CSNK1A1: variants seen among roughly 807,000 people sequenced by gnomAD.
CSNK1A1 encodes casein kinase I isoform alpha.
Under a neutral mutation model 46.1 loss-of-function variants are expected in CSNK1A1, and 7 were observed. That is an observed-to-expected ratio of 0.15 (90% CI 0.09 to 0.29). The LOEUF (loss-of-function observed/expected upper bound fraction) is 0.29, where lower values mean the gene tolerates loss of function less well. Ranked by LOEUF, CSNK1A1 falls within the 10% of genes least tolerant of loss-of-function variation. The pLI is 1.00. For missense variants in CSNK1A1, 96 were observed against 417.1 expected, an observed-to-expected ratio of 0.23 and a Z score of 6.71; for synonymous variants, 137 against 141.5, an observed-to-expected ratio of 0.97 and a Z score of 0.23.
intron 2 of CSNK1A1, among the ~76,000 whole-genome samples, chr5:149,535,297 G>C (rs1312880417): frequency 6.6e-6 from 1 of 152,100 alleles, no homozygotes; most frequent in East Asian, 1.9e-4. Context: ...TGCTGATCTT[G>C]CTTAGATCTA....
At chr5:149,508,723 C>T (rs1761115719) in intron 7 of CSNK1A1, among the ~76,000 whole-genome samples, 1 of 152,120 alleles carries the variant, frequency 6.6e-6, no homozygotes, top group Non-Finnish European at 1.5e-5. Context: ...TTGTTGATAA[C>T]CTTTCTTTTC....
intron 2 of CSNK1A1, chr5:149,529,492 A>G: frequency 4.1e-6 from 1 of 241,832 alleles, no homozygotes; most frequent in Non-Finnish European, 8.5e-6. Context: ...ATTCACACAA[A>G]AGATCAATGA....
intron 3 of CSNK1A1, among the ~76,000 whole-genome samples, chr5:149,521,123 T>A (rs972523574): frequency 6.6e-6 from 1 of 152,130 alleles, no homozygotes; most frequent in African/African-American, 2.4e-5. Flanking sequence ...TAGACATGTA[T>A]CTTTACCCAC....
Position 149,528,698 on chromosome 5 carries a change from G to C in CSNK1A1, c.231-3527C>G, listed in dbSNP as rs900971463. 3.9e-5 allele frequency among the ~76,000 whole-genome samples: 6 copies of C among 152,200 alleles called. No homozygotes were observed. The East Asian group carries it at 9.6e-4, about 24-fold the overall frequency. On this transcript the variant is annotated intron_variant, in intron 2 of 9. Coordinates refer to ENST00000377843, the MANE Select transcript of CSNK1A1 (RefSeq NM_001892.6). The stretch of plus-strand genomic sequence containing the variant: ...TCCCACATTGGTCTCCTATTTCCTA[G>C]AATTCCCAAAGCCATTAACTATTGC...
Position 149,527,656 on chromosome 5 carries a change from T to C in CSNK1A1, c.231-2485A>G, listed in dbSNP as rs560473082. Among the ~76,000 whole-genome samples the C allele has an allele frequency of 3.3e-5, 5 of 152,110 alleles. No individual in the cohort carries two copies. In the South Asian group the frequency reaches 1.0e-3, roughly 32 times the overall value. On this transcript the variant is annotated intron_variant, in intron 2 of 9. Coordinates refer to ENST00000377843, the MANE Select transcript of CSNK1A1 (RefSeq NM_001892.6). ...TCTCCTTTCCCTTTTCCTCATTTTA[T>C]TTTCTTTTGTTATTTTCCCTCTTCC...
chr5:149,511,172 T>C (rs1164861279), intron 6 of CSNK1A1, among the ~76,000 whole-genome samples: 2 of 151,982 alleles, frequency 1.3e-5, no homozygotes, highest in African/African-American at 2.4e-5. Context: ...CAAAAAATAA[T>C]TTAAAAATTA....
At chr5:149,502,046 T>C (rs1561750906) in intron 9 of CSNK1A1, 2 of 983,086 alleles carry the variant, frequency 2.0e-6, no homozygotes, top group Non-Finnish European at 1.2e-6. Context: ...ATCTAAAGAA[T>C]ATAAGGAAGG....
At chr5:149,511,393 T>G (rs1263853358) in intron 6 of CSNK1A1, among the ~76,000 whole-genome samples, 2 of 128,084 alleles carry the variant, frequency 1.6e-5, no homozygotes, top group African/African-American at 5.9e-5. Context: ...AACAGTAAAC[T>G]CCTAGCTAAT....
intron 4 of CSNK1A1, among the ~76,000 whole-genome samples, chr5:149,514,033 A>T (rs1422983998): frequency 5.3e-5 from 8 of 152,294 alleles, no homozygotes; most frequent in Middle Eastern, 3.4e-3. Flanking sequence ...AAGACTTTTT[A>T]TTAATAAAAA....
intron 2 of CSNK1A1, chr5:149,549,440 C>G (rs774168580): frequency 4.3e-6 from 3 of 702,124 alleles, no homozygotes; most frequent in South Asian, 3.0e-5. Context: ...TATGCCATCT[C>G]CTTCCTCGAA....
rs201469252 is a variant in CSNK1A1 at position 149,496,880 on chromosome 5, A to C, written c.1007-20T>G. On this transcript the variant is annotated intron_variant, in intron 9 of 9. Coordinates refer to ENST00000377843, the MANE Select transcript of CSNK1A1 (RefSeq NM_001892.6). ...AGAAACCTGGTAAAAAATCAAAACAAAAAAAAAGTTAAAATTCCAAGTCAA... is the reference window on the plus strand; with the variant it reads ...AGAAACCTGGTAAAAAATCAAAACACAAAAAAAGTTAAAATTCCAAGTCAA... 118 of 1,540,446 alleles carry C rather than the reference A, an allele frequency of 7.7e-5. No homozygotes were observed. Among genetic ancestry groups the C allele is most frequent in the Middle Eastern group, 1.7e-4 (1 of 5,748 alleles).
At chr5:149,503,240 G>A in intron 9 of CSNK1A1, 8 of 985,432 alleles carry the variant, frequency 8.1e-6, no homozygotes, top group Non-Finnish European at 7.2e-6. Flanking sequence ...TAGAAGTTAG[G>A]GGAATATGTT....
At chr5:149,504,433 A>G in intron 9 of CSNK1A1, 1 of 984,972 alleles carries the variant, frequency 1.0e-6, no homozygotes, top group South Asian at 4.7e-5. Context: ...AGACTAGGGC[A>G]GTATTCAGAA....
intron 3 of CSNK1A1, among the ~76,000 whole-genome samples, chr5:149,524,287 C>T (rs751994595): frequency 9.2e-5 from 14 of 152,182 alleles, no homozygotes; most frequent in Middle Eastern, 3.4e-3. Flanking sequence ...TATAAGCACA[C>T]TGAGTTTAAC....
At chr5:149,548,115 C>A (rs184719159) in intron 2 of CSNK1A1, among the ~76,000 whole-genome samples, 131 of 152,186 alleles carry the variant, frequency 8.6e-4, no homozygotes, top group Admixed American at 2.4e-3. Context: ...AAGTAACCTG[C>A]CTGCCTTGGC....
chr5:149,503,500 A>G (rs1760935173), intron 9 of CSNK1A1: 1 of 985,344 alleles, frequency 1.0e-6, no homozygotes, highest in Non-Finnish European at 1.2e-6. Flanking sequence ...GTTTTATGAA[A>G]AGCCTAATTT....
Position 149,517,903 on chromosome 5 carries a change from T to G in CSNK1A1, c.456+2387A>C, listed in dbSNP as rs1761447740. The G allele has an allele frequency of 2.8e-6, 4 of 1,443,032 alleles. No homozygotes were observed. In the African/African-American group the frequency reaches 5.6e-5, roughly 20 times the overall value. 89.4% of individuals were successfully genotyped at this position (1,443,032 alleles called of 1,614,324 possible). Reference sequence around the variant, plus strand: ...CTAAACAGACAATAGAGGGTGGCAGTGCATCAAACAGTATTGCTTACATTG... The same window carrying G: ...CTAAACAGACAATAGAGGGTGGCAGGGCATCAAACAGTATTGCTTACATTG... On this transcript the variant is annotated intron_variant, in intron 4 of 9. Transcript: ENST00000377843. This position sits in a 1 kb window ranked among gnomAD's most constrained non-coding sequence, Gnocchi z 4.4.
intron 2 of CSNK1A1, among the ~76,000 whole-genome samples, chr5:149,543,515 T>C (rs911856499): frequency 1.3e-5 from 2 of 152,004 alleles, no homozygotes; most frequent in Non-Finnish European, 2.9e-5. Context: ...AAGCTAAGCA[T>C]GGACACTGTA....
intron 4 of CSNK1A1, 149 bp downstream of exon 4, chr5:149,520,141 C>A: frequency 1.9e-6 from 1 of 517,430 alleles, no homozygotes; most frequent in South Asian, 3.5e-5. Flanking sequence ...ATGGAGTTAG[C>A]TGATTATCCT....
Sources: gnomAD v4.1 joint callset for allele counts (sites outside exome capture counted in the v4.1 genomes callset) on GRCh38, gnomAD v4.1.1 for gene constraint, Gnocchi (gnomAD v3.1) non-coding constraint, MANE v1.5 for transcripts, NCBI Gene and HGNC (gene_info 2026-07-23, HGNC 2026-07-21) for gene names.